Variants in SYN3 observed in about 807,000 individuals in gnomAD.
SYN3 encodes synapsin-3.
Under a neutral mutation model 65.8 loss-of-function variants are expected in SYN3, and 35 were observed. That is an observed-to-expected ratio of 0.53 (90% confidence interval 0.41 to 0.70). SYN3 has a LOEUF of 0.70. Among genes scored for constraint, SYN3 ranks in the 30% least tolerant of loss-of-function variants. The pLI, the probability that SYN3 is intolerant of heterozygous loss-of-function variation, is 0.00. For synonymous variants in SYN3, 270 were observed against 292.9 expected (o/e 0.92, Z 0.80); for missense variants, 680 against 749.0 (o/e 0.91, Z 1.08).
chr22:32,667,798 C>CTTTT (rs759464712), intron 6 of SYN3, among the ~76,000 whole-genome samples: 14 of 139,142 alleles, frequency 1.0e-4, no homozygotes, highest in South Asian at 2.3e-4. Context: ...TTCTTTCTTT[C>CTTTT]TTTTTTTTTT....
intron 10 of SYN3, among the ~76,000 whole-genome samples, 179 bp downstream of exon 10, chr22:32,533,614 C>A (rs576189485): frequency 6.6e-6 from 1 of 152,276 alleles, no homozygotes; most frequent in East Asian, 1.9e-4. Context: ...AGGCATGAAG[C>A]CTTTCGATGC....
intron 2 of SYN3, among the ~76,000 whole-genome samples, chr22:32,997,259 G>A (rs1040977778): frequency 6.6e-6 from 1 of 152,196 alleles, no homozygotes; most frequent in African/African-American, 2.4e-5. Flanking sequence ...ATCTATGAAA[G>A]CCATTGAACC....
At chr22:32,571,942 C>T (rs117574280) in intron 7 of SYN3, among the ~76,000 whole-genome samples, 5,497 of 151,978 alleles carry the variant, frequency 0.036, 141 homozygotes, top group Middle Eastern at 0.082. Context: ...GTTGGCGCTC[C>T]AGTTGTGGTT....
At chr22:32,889,912 A>G (rs1475383851) in intron 4 of SYN3, among the ~76,000 whole-genome samples, 1 of 151,936 alleles carries the variant, frequency 6.6e-6, no homozygotes, top group Non-Finnish European at 1.5e-5. Flanking sequence ...TTGTTCTCTC[A>G]GAATATTTGT....
chr22:32,556,135 T>A (rs1198247255), intron 7 of SYN3, among the ~76,000 whole-genome samples: 1 of 152,258 alleles, frequency 6.6e-6, no homozygotes, highest in Admixed American at 6.5e-5. Flanking sequence ...AAAGAAGTAC[T>A]AAGCAGATTC....
intron 6 of SYN3, among the ~76,000 whole-genome samples, chr22:32,633,509 G>C (rs978618401): frequency 6.6e-6 from 1 of 152,200 alleles, no homozygotes; most frequent in African/African-American, 2.4e-5. Flanking sequence ...ACGTGCGTAG[G>C]CATTAAGAAA....
At chr22:33,010,503 T>C (rs1176998086) in intron 1 of SYN3, among the ~76,000 whole-genome samples, 2 of 152,230 alleles carry the variant, frequency 1.3e-5, no homozygotes, top group African/African-American at 2.4e-5. Context: ...GGCCTACTTC[T>C]GGACTATGTT....
chr22:32,679,980 C>T (rs2060502302), intron 6 of SYN3, among the ~76,000 whole-genome samples: 1 of 150,850 alleles, frequency 6.6e-6, no homozygotes, highest in Admixed American at 6.6e-5. Flanking sequence ...CTATATCTTT[C>T]TTCTCTGTTT....
At chr22:33,014,905 C>A in intron 1 of SYN3, 1 of 168,550 alleles carries the variant, frequency 5.9e-6, no homozygotes, top group South Asian at 1.9e-4. Flanking sequence ...GAGTTTTGTT[C>A]CGTTTCCGGG....
At chr22:32,889,343 G>A (rs1315821174) in intron 4 of SYN3, among the ~76,000 whole-genome samples, 2 of 151,948 alleles carry the variant, frequency 1.3e-5, no homozygotes, top group Non-Finnish European at 2.9e-5. Context: ...GCTTTGGAAG[G>A]GTTTGCTTTC....
chr22:32,734,407 G>A (rs1260708945), intron 6 of SYN3, among the ~76,000 whole-genome samples: 1 of 152,190 alleles, frequency 6.6e-6, no homozygotes, highest in East Asian at 1.9e-4. Context: ...CAGCCTTCAC[G>A]CATGTGACCC....
Position 32,540,826 on chromosome 22 carries a change from A to G in SYN3, c.917+745T>C, listed in dbSNP as rs1601596617. On this transcript the variant is annotated intron_variant, in intron 8 of 13. Coordinates refer to ENST00000358763, the MANE Select transcript of SYN3 (RefSeq NM_003490.4). Reference sequence around the variant, plus strand: ...TGCGATCAAAGTTGGACTAATCAGTACTTTTTCCACGGAATCACAATCTTG... The same window carrying G: ...TGCGATCAAAGTTGGACTAATCAGTGCTTTTTCCACGGAATCACAATCTTG... Among the ~76,000 whole-genome samples the G allele has an allele frequency of 2.6e-5, 4 of 152,224 alleles. No individual in the cohort carries two copies. In the South Asian group the frequency reaches 8.3e-4, roughly 32 times the overall value.
At chr22:32,903,454 A>T (rs2049818197) in intron 4 of SYN3, among the ~76,000 whole-genome samples, 1 of 152,206 alleles carries the variant, frequency 6.6e-6, no homozygotes. Flanking sequence ...CTGACGATCA[A>T]GTTTTGACAA....
chr22:32,998,266 G>A (rs2052946927), intron 2 of SYN3, among the ~76,000 whole-genome samples: 1 of 152,100 alleles, frequency 6.6e-6, no homozygotes, highest in Non-Finnish European at 1.5e-5. Context: ...ATCTAGAAAT[G>A]CACAAGGTGC....
chr22:33,017,457 G>C (rs1455375278), intron 1 of SYN3, among the ~76,000 whole-genome samples: 2 of 152,184 alleles, frequency 1.3e-5, no homozygotes, highest in Non-Finnish European at 2.9e-5. Context: ...TGAATCTGCA[G>C]ATCATTTTGG....
chr22:33,008,094 G>A (rs1256430605), intron 1 of SYN3, among the ~76,000 whole-genome samples: 4 of 152,030 alleles, frequency 2.6e-5, no homozygotes, highest in South Asian at 2.1e-4. Context: ...CCACCACCAC[G>A]CCCACCTAAT....
chr22:32,625,036 C>T (rs560440114), intron 6 of SYN3, among the ~76,000 whole-genome samples: 10 of 152,290 alleles, frequency 6.6e-5, no homozygotes, highest in African/African-American at 1.4e-4. Context: ...ATCACTTGCC[C>T]GCTGCCTTTC....
At chr22:32,904,417 G>A (rs762183474) in intron 4 of SYN3, among the ~76,000 whole-genome samples, 1 of 152,188 alleles carries the variant, frequency 6.6e-6, no homozygotes, top group Non-Finnish European at 1.5e-5. Context: ...GATGGAAGGC[G>A]CCTGGTTGGA....
In SYN3 at chr22:32,837,649, T is replaced by C. The variant is rs1303122249; in HGVS notation, c.711+27266A>G. Among the ~76,000 whole-genome samples, 1 of 152,090 alleles carries C rather than the reference T, an allele frequency of 6.6e-6. No homozygotes were observed. Among genetic ancestry groups the C allele is most frequent in the Non-Finnish European group, 1.5e-5 (1 of 68,016 alleles). ...CCCAGGCTTGTTTCTAGGGGTTTCT[T>C]GGGGCTTCGGGGGCCTCCTGTCAAT... On this transcript the variant is annotated intron_variant, in intron 6 of 13. Transcript: ENST00000358763. This position sits in a 1 kb window ranked among gnomAD's most constrained non-coding sequence, Gnocchi z 4.1.
Sources: allele counts gnomAD v4.1 joint callset (sites outside exome capture counted in the v4.1 genomes callset), GRCh38; gene constraint gnomAD v4.1.1; non-coding constraint Gnocchi (gnomAD v3.1); transcripts MANE v1.5; gene names NCBI Gene and HGNC (gene_info 2026-07-23, HGNC 2026-07-21).